TERT: variants seen among roughly 807,000 people sequenced by gnomAD.
TERT encodes the protein telomerase catalytic subunit.
TERT carries 42 observed loss-of-function variants against 104.0 expected under a neutral mutation model. That is an observed-to-expected ratio of 0.40 (90% confidence interval 0.32 to 0.52). TERT has a LOEUF of 0.52. Ranked by LOEUF, TERT falls within the 20% of genes least tolerant of loss-of-function variation. TERT has a pLI of 0.43. For synonymous variants in TERT, 781 were observed against 725.6 expected, an observed-to-expected ratio of 1.08 and a Z score of -1.23; for missense variants, 1,101 against 1,610.3, an observed-to-expected ratio of 0.68 and a Z score of 5.41.
In TERT at chr5:1,260,479, A is replaced by G. The variant is rs1748146909; in HGVS notation, c.2965T>C (p.Leu989=). ...CTGACCATCAGCCTGCTCACCTGCAAATCCAGAAACAGGCTGTGACACTTC... is the reference window on the plus strand; with the variant it reads ...CTGACCATCAGCCTGCTCACCTGCAGATCCAGAAACAGGCTGTGACACTTC... The part of the protein sequence containing the change: ...RLKCHSLFLD[L]QVNSLQTVCT... The change falls in exon 12 of 16, where the codon TTG becomes CTG. Residue 989 remains leucine (L), a synonymous_variant. Coordinates refer to ENST00000310581, the MANE Select transcript of TERT (RefSeq NM_198253.3). The G allele has an allele frequency of 6.2e-7, 1 of 1,613,978 alleles. No homozygotes were observed. The highest frequency in any genetic ancestry group is 8.5e-7 in the Non-Finnish European group (1 of 1,179,976).
At chr5:1,264,218 C>T (rs938602658) in intron 11 of TERT, 186 bp downstream of exon 11, 5 of 641,628 alleles carry the variant, frequency 7.8e-6, no homozygotes, top group Non-Finnish European at 1.4e-5. Context: ...GTTGTGAGCA[C>T]CCTCACTCCC....
chr5:1,268,955 A>G lies in TERT; in HGVS notation c.2469-322T>C, dbSNP rs185340082. Among the ~76,000 whole-genome samples the G allele has an allele frequency of 6.6e-6, 1 of 151,998 alleles. No individual in the cohort carries two copies. The highest frequency in any genetic ancestry group is 6.5e-5 in the Admixed American group (1 of 15,274). ...CACAGAACCAGACACTTGACCCGGA[A>G]TGAATGCTTAACCGGACTCCTTTTT... On this transcript the variant is annotated intron_variant, in intron 8 of 15. Transcript: ENST00000310581. The surrounding 1 kb of genome is among the most constrained non-coding windows in gnomAD (Gnocchi z 5.5).
In TERT at chr5:1,269,203, C is replaced by T. The variant is rs555166635; in HGVS notation, c.2469-570G>A. 6.6e-6 allele frequency among the ~76,000 whole-genome samples: 1 copy of T among 152,326 alleles called. No homozygotes were observed. The highest frequency in any genetic ancestry group is 2.1e-4 in the South Asian group (1 of 4,820). On this transcript the variant is annotated intron_variant, in intron 8 of 15. Coordinates refer to ENST00000310581, the MANE Select transcript of TERT (RefSeq NM_198253.3). This position sits in a 1 kb window ranked among gnomAD's most constrained non-coding sequence, Gnocchi z 9.0. ...GAAGGCATGGCTGCCACGCGACCCTCAGCCATCCCCAGAGCCCACAGGACG... is the reference window on the plus strand; with the variant it reads ...GAAGGCATGGCTGCCACGCGACCCTTAGCCATCCCCAGAGCCCACAGGACG...
rs534270921 is a variant in TERT, at chr5:1,286,777, T to C, written c.1574-4153A>G. Among the ~76,000 whole-genome samples, 37 of 151,832 alleles carry C rather than the reference T, an allele frequency of 2.4e-4. No homozygotes were observed. The highest frequency in any genetic ancestry group is 4.4e-4 in the Non-Finnish European group (30 of 67,932). On this transcript the variant is annotated intron_variant, in intron 2 of 15. Transcript: ENST00000310581. The surrounding 1 kb of genome is among the most constrained non-coding windows in gnomAD (Gnocchi z 5.3). ...CCTGTAATCCCAGCTACTCATGAGG[T>C]TGAGGAATGAGAACTGCTTGAACCG...
chr5:1,284,819 C>T (rs1750363602), intron 2 of TERT, among the ~76,000 whole-genome samples: 1 of 149,838 alleles, frequency 6.7e-6, no homozygotes, highest in African/African-American at 2.5e-5. Context: ...AACCTCACCC[C>T]AGACCTGCAC....
Position 1,282,094 on chromosome 5 carries a change from G to GA in TERT, c.1769+334dup, listed in dbSNP as rs112248967. On this transcript the variant is annotated intron_variant, in intron 3 of 15. Coordinates refer to ENST00000310581, the MANE Select transcript of TERT (RefSeq NM_198253.3). ...CAGAGTGAGACTCCATCTCAAAAAA[G>GA]AAAAAAAAAAGAGAGAGAGAATCAG... is the stretch of plus-strand genomic sequence containing the variant. Among the ~76,000 whole-genome samples the GA allele has an allele frequency of 0.062, 9,125 of 146,090 alleles. 882 individuals carry two copies. The highest frequency in any genetic ancestry group is 0.21 in the African/African-American group (8,390 of 40,070).
Position 1,260,547 on chromosome 5 carries a change from G to A in TERT, c.2897C>T (p.Ala966Val), listed in dbSNP as rs766236334. 1 of 1,614,194 alleles carries A rather than the reference G, an allele frequency of 6.2e-7. No individual in the cohort carries two copies. The highest frequency in any genetic ancestry group is 8.5e-7 in the Non-Finnish European group (1 of 1,180,020). Residue 966 changes from alanine to valine, a missense_variant, in exon 12 of 16, where the codon GCT (alanine) becomes GTT (valine). Transcript: ENST00000310581. The stretch of plus-strand genomic sequence containing the variant: ...GAGTTTGCGACGCATGTTCCTCCCA[G>A]CCTTGAAGCCGCGGTTGAAGGTGAG... ...ASLTFNRGFK[A>V]GRNMRRKLFG...
Position 1,253,838 on chromosome 5 carries a change from G to A in TERT, c.3296-7C>T, listed in dbSNP as rs1579541812. On this transcript the variant is annotated splice_region_variant and splice_polypyrimidine_tract_variant and intron_variant, in intron 15 of 15. Coordinates refer to ENST00000310581, the MANE Select transcript of TERT (RefSeq NM_198253.3). Reference sequence around the variant, plus strand: ...CGACTCAGCTGCGTCTGGGCTGCGGGGCCAAAATCAGACTCCGTTCCAGAA... The same window carrying A: ...CGACTCAGCTGCGTCTGGGCTGCGGAGCCAAAATCAGACTCCGTTCCAGAA... 2.5e-6 allele frequency: 4 copies of A among 1,605,536 alleles called. No homozygotes were observed. The highest frequency in any genetic ancestry group is 2.5e-6 in the Non-Finnish European group (3 of 1,177,532).
intron 2 of TERT, among the ~76,000 whole-genome samples, chr5:1,293,039 C>T (rs892331491): frequency 3.9e-5 from 6 of 152,366 alleles, no homozygotes; most frequent in Admixed American, 1.3e-4. Flanking sequence ...TCCACTGCCG[C>T]GCCCAGCCTC....
rs927100648 is a variant in TERT at position 1,286,822 on chromosome 5, G to A, written c.1574-4198C>T. On this transcript the variant is annotated intron_variant, in intron 2 of 15. Coordinates refer to ENST00000310581, the MANE Select transcript of TERT (RefSeq NM_198253.3). The surrounding 1 kb of genome is among the most constrained non-coding windows in gnomAD (Gnocchi z 5.3). ...GAACCGAGGAGGCAGAGGTTGCAGTGAGCCGAGATTGTGCCATTACACTCC... is the reference window on the plus strand; with the variant it reads ...GAACCGAGGAGGCAGAGGTTGCAGTAAGCCGAGATTGTGCCATTACACTCC... Among the ~76,000 whole-genome samples, 1 of 152,182 alleles carries A rather than the reference G, an allele frequency of 6.6e-6. No homozygotes were observed. The highest frequency in any genetic ancestry group is 1.5e-5 in the Non-Finnish European group (1 of 68,038).
At position 1,255,458 on chromosome 5, in the gene TERT, C is replaced by CG. The variant is rs1561187258; in HGVS notation, c.3033-48dup. 1 of 1,612,986 alleles carries CG rather than the reference C, an allele frequency of 6.2e-7. No individual in the cohort carries two copies. The highest frequency in any genetic ancestry group is 1.7e-5 in the Admixed American group (1 of 59,998). The stretch of plus-strand genomic sequence containing the variant: ...TCAGAGGAAAGGCCTCCTAATCAGA[C>CG]GGTGCTCGTGGGTGTGGGCATGGGC... On this transcript the variant is annotated intron_variant, in intron 13 of 15. Coordinates refer to ENST00000310581, the MANE Select transcript of TERT (RefSeq NM_198253.3). The surrounding 1 kb of genome is among the most constrained non-coding windows in gnomAD (Gnocchi z 6.9).
Position 1,253,721 on chromosome 5 carries a change from G to A in TERT, c.*7C>T, listed in dbSNP as rs753289422. On this transcript the variant is annotated 3_prime_UTR_variant, in exon 16 of 16. Transcript: ENST00000310581. ...CTGCTCTCGGCCTGGCTGTGGGCGG[G>A]TGGCCATCAGTCCAGGATGGTCTTG... 7 of 1,606,570 alleles carry A rather than the reference G, an allele frequency of 4.4e-6. No individual in the cohort carries two copies. The Admixed American group carries it at 1.2e-4, about 27-fold the overall frequency.
At position 1,293,466 on chromosome 5, in the gene TERT, G is replaced by A. The variant is rs1302718699; in HGVS notation, c.1420C>T (p.Pro474Ser). 3 of 1,606,738 alleles carry A rather than the reference G, an allele frequency of 1.9e-6. No homozygotes were observed. Among genetic ancestry groups the A allele is most frequent in the African/African-American group, 1.3e-5 (1 of 74,932 alleles). Residue 474 changes from proline to serine, a missense_variant, in exon 2 of 16, where the codon CCC becomes TCC. Transcript: ENST00000310581. ...TGCCTGGAGCCCCAGAGGCCTGGGG[G>A]CACCAGCCGGCGCAGGCAGGCCCGC... is the stretch of plus-strand genomic sequence containing the variant. ...FVRACLRRLV[P>S]PGLWGSRHNE...
intron 3 of TERT, among the ~76,000 whole-genome samples, chr5:1,280,878 C>T (rs1200458283): frequency 6.6e-6 from 1 of 152,262 alleles, no homozygotes; most frequent in Non-Finnish European, 1.5e-5. Context: ...CCCAAAACCA[C>T]CCATGGGGGC....
chr5:1,254,608 T>A, intron 14 of TERT, 103 bp from the exon 15 acceptor site: 1 of 1,390,276 alleles, frequency 7.2e-7, no homozygotes. Flanking sequence ...GGTGGCTCCA[T>A]CTCTGGCTGT....
At chr5:1,290,372 G>A (rs201474526) in intron 2 of TERT, among the ~76,000 whole-genome samples, 2 of 55,472 alleles carry the variant, frequency 3.6e-5, no homozygotes, top group African/African-American at 1.1e-4. Context: ...CACGTGACAG[G>A]GACACCCGGG....
At chr5:1,271,610 C>T (rs1004515897) in intron 7 of TERT, among the ~76,000 whole-genome samples, 2 of 151,978 alleles carry the variant, frequency 1.3e-5, no homozygotes, top group African/African-American at 2.4e-5. Flanking sequence ...GCGGTGGACA[C>T]GACTGTCCCC....
chr5:1,266,504 A>G lies in TERT; in HGVS notation c.2614T>C (p.Leu872=), dbSNP rs1221924676. Residue 872 remains leucine, a synonymous_variant, in exon 10 of 16, where the codon TTG becomes CTG. Coordinates refer to ENST00000310581, the MANE Select transcript of TERT (RefSeq NM_198253.3). ...GCGTGGGTGAGGTGAGGTGTCACCAACAAGAAATCATCCACCAAACGCAGG... is the reference window on the plus strand; with the variant it reads ...GCGTGGGTGAGGTGAGGTGTCACCAGCAAGAAATCATCCACCAAACGCAGG... The part of the protein sequence containing the change: ...LLLRLVDDFL[L]VTPHLTHAKT... 1 of 1,610,682 alleles carries G rather than the reference A, an allele frequency of 6.2e-7. No homozygotes were observed. The highest frequency in any genetic ancestry group is 1.7e-5 in the Admixed American group (1 of 59,658).
At position 1,256,372 on chromosome 5, in the gene TERT, AC is replaced by A. The variant is rs1747728662; in HGVS notation, c.3033-962del. On this transcript the variant is annotated intron_variant, in intron 13 of 15. Coordinates refer to ENST00000310581, the MANE Select transcript of TERT (RefSeq NM_198253.3). This position sits in a 1 kb window ranked among gnomAD's most constrained non-coding sequence, Gnocchi z 7.0. The stretch of plus-strand genomic sequence containing the variant: ...GGGACTTTGGGGCAGGTGTGCACAG[AC>A]CTGGCTACCATGAAACAGCACATGT... 6.6e-6 allele frequency among the ~76,000 whole-genome samples: 1 copy of A among 151,974 alleles called. No homozygotes were observed. The highest frequency in any genetic ancestry group is 2.4e-5 in the African/African-American group (1 of 41,356).
Sources: allele counts gnomAD v4.1 joint callset (sites outside exome capture counted in the v4.1 genomes callset), GRCh38; gene constraint gnomAD v4.1.1; non-coding constraint Gnocchi (gnomAD v3.1); transcripts MANE v1.5; gene names NCBI Gene and HGNC (gene_info 2026-07-23, HGNC 2026-07-21).